Variants in ASAP2 observed in about 807,000 individuals in gnomAD.
ASAP2 encodes the protein arf-GAP with SH3 domain, ANK repeat and PH domain-containing protein 2.
ASAP2 carries 45 observed loss-of-function variants against 131.4 expected under a neutral mutation model. That is an observed-to-expected ratio of 0.34 (90% CI 0.27 to 0.44). ASAP2 has a LOEUF of 0.44. Among genes scored for constraint, ASAP2 ranks in the 20% least tolerant of loss-of-function variants. ASAP2 has a pLI of 1.00. For synonymous variants in ASAP2, 510 were observed against 503.0 expected (o/e 1.01, Z -0.19); for missense variants, 1,011 against 1,297.0 (o/e 0.78, Z 3.39).
intron 1 of ASAP2, chr2:9,271,317 T>G: frequency 1.1e-6 from 1 of 940,274 alleles, no homozygotes; most frequent in Non-Finnish European, 1.7e-6. Flanking sequence ...TGATCGTCCT[T>G]AGCCAGTCCA....
intron 1 of ASAP2, among the ~76,000 whole-genome samples, chr2:9,243,825 T>G (rs997207038): frequency 2.0e-5 from 3 of 152,176 alleles, no homozygotes; most frequent in Non-Finnish European, 4.4e-5. Context: ...GACTCACAGT[T>G]TAGTTGTGAG....
chr2:9,367,511 A>T (rs763972822), intron 15 of ASAP2, among the ~76,000 whole-genome samples: 13 of 152,154 alleles, frequency 8.5e-5, no homozygotes, highest in Non-Finnish European at 1.9e-4. Flanking sequence ...CTGTAATCCC[A>T]GCACTTTGGG....
chr2:9,292,077 C>T lies in ASAP2; in HGVS notation c.200-5223C>T, dbSNP rs575456928. Among the ~76,000 whole-genome samples, 11 of 152,218 alleles carry T rather than the reference C, an allele frequency of 7.2e-5. No individual in the cohort carries two copies. In the South Asian group the frequency reaches 2.3e-3, roughly 32 times the overall value. Reference sequence around the variant, plus strand: ...TGTGTGACCTTGAGCAAGTCATCACCCTCTCTGAGCTTTGGTTTCCATGTT... The same window carrying T: ...TGTGTGACCTTGAGCAAGTCATCACTCTCTCTGAGCTTTGGTTTCCATGTT... On this transcript the variant is annotated intron_variant, in intron 2 of 27. Coordinates refer to ENST00000281419, the MANE Select transcript of ASAP2 (RefSeq NM_003887.3).
At position 9,404,924 on chromosome 2, in the gene ASAP2, T is replaced by C. The variant is rs1161116898; in HGVS notation, c.*1597T>C. On this transcript the variant is annotated 3_prime_UTR_variant, in exon 28 of 28. Transcript: ENST00000281419. Reference sequence around the variant, plus strand: ...GCACTACATCTGTTTTCACTAATTGTTAATTTCTGTTTGAACCCTTCATTT... The same window carrying C: ...GCACTACATCTGTTTTCACTAATTGCTAATTTCTGTTTGAACCCTTCATTT... The C allele has an allele frequency of 6.6e-6, 1 of 152,628 alleles. No individual in the cohort carries two copies. Among genetic ancestry groups the C allele is most frequent in the African/African-American group, 2.4e-5 (1 of 41,462 alleles). 9.5% of individuals were successfully genotyped at this position (152,628 alleles called of 1,614,324 possible).
Position 9,393,493 on chromosome 2 carries a change from C to A in ASAP2, c.2530C>A (p.Pro844Thr), listed in dbSNP as rs149535322. The change falls in exon 24 of 28, where the codon CCC becomes ACC. Residue 844 changes from proline (P) to threonine (T), a missense_variant. Transcript: ENST00000281419. ...CCTGTCCTCCGCAGATCCCCTGACC[C>A]CCACGCCGCCCCCACCCGTTGCCAA... ...LRVTSTNPLT[P>T]TPPPPVAKTP... is the part of the protein sequence containing the mutation. 13 of 1,606,806 alleles carry A rather than the reference C, an allele frequency of 8.1e-6. No individual in the cohort carries two copies. The highest frequency in any genetic ancestry group is 1.1e-5 in the Non-Finnish European group (13 of 1,177,120).
At chr2:9,240,906 G>A (rs1048268258) in intron 1 of ASAP2, among the ~76,000 whole-genome samples, 1 of 152,196 alleles carries the variant, frequency 6.6e-6, no homozygotes, top group Non-Finnish European at 1.5e-5. Context: ...CATAACCTAG[G>A]CAGCTACTAG....
intron 22 of ASAP2, 27 bp downstream of exon 22, chr2:9,388,573 A>AATAT: frequency 6.2e-7 from 1 of 1,603,228 alleles, no homozygotes; most frequent in South Asian, 1.1e-5. Context: ...CATCCCTGTG[A>AATAT]ATATATAGAG....
chr2:9,367,047 T>G (rs1035204057), intron 15 of ASAP2, among the ~76,000 whole-genome samples: 1 of 148,960 alleles, frequency 6.7e-6, no homozygotes, highest in African/African-American at 2.5e-5. Flanking sequence ...TTTTTTTTTG[T>G]AGAGATGGAG....
intron 7 of ASAP2, among the ~76,000 whole-genome samples, chr2:9,330,963 CTT>C (rs1339796019): frequency 6.6e-6 from 1 of 152,200 alleles, no homozygotes; most frequent in Non-Finnish European, 1.5e-5. Context: ...GCAGCTTTGA[CTT>C]TCTCAATTCA....
intron 1 of ASAP2, among the ~76,000 whole-genome samples, chr2:9,278,813 G>A (rs150411312): frequency 3.3e-4 from 50 of 152,296 alleles, no homozygotes; most frequent in African/African-American, 8.9e-4. Flanking sequence ...AATAGGACCC[G>A]TCTTCTAACA....
chr2:9,372,322 C>G (rs1374128319), intron 16 of ASAP2, among the ~76,000 whole-genome samples: 1 of 152,124 alleles, frequency 6.6e-6, no homozygotes, highest in Non-Finnish European at 1.5e-5. Flanking sequence ...GGAGAACCTG[C>G]AGGAATAAAA....
rs754872733 is a variant in ASAP2, at chr2:9,399,932, T to C, written c.2685-91T>C. ...GGAAACCACCTCACACACTCTGAGCTTGAACTCAGAAGGTTCTCTGATAAA... is the reference window on the plus strand; with the variant it reads ...GGAAACCACCTCACACACTCTGAGCCTGAACTCAGAAGGTTCTCTGATAAA... On this transcript the variant is annotated intron_variant, in intron 24 of 27. Coordinates refer to ENST00000281419, the MANE Select transcript of ASAP2 (RefSeq NM_003887.3). 5.1e-6 allele frequency: 7 copies of C among 1,359,728 alleles called. No homozygotes were observed. The Admixed American group carries it at 5.3e-5, about 10-fold the overall frequency. The allele number at this position is 1,359,728 out of a possible 1,614,324, so 84.2% of individuals were successfully genotyped here.
chr2:9,329,495 A>G (rs1307116973), intron 7 of ASAP2, among the ~76,000 whole-genome samples: 1 of 152,196 alleles, frequency 6.6e-6, no homozygotes, highest in Non-Finnish European at 1.5e-5. Context: ...AAGGCAAAAC[A>G]GTGATGGGGA....
At position 9,374,987 on chromosome 2, in the gene ASAP2, C is replaced by T. The variant is rs112564101; in HGVS notation, c.1746+43C>T. 4.8e-3 allele frequency: 6,826 copies of T among 1,414,782 alleles called. 103 individuals carry two copies. Among genetic ancestry groups the T allele is most frequent in the African/African-American group, 0.04 (2,724 of 67,738 alleles). The allele number at this position is 1,414,782 out of a possible 1,614,324, so 87.6% of individuals were successfully genotyped here. The stretch of plus-strand genomic sequence containing the variant: ...TGCTACTTTAAAAAAAAAAAAAAGG[C>T]CGGCCACGGTGGCTCATGCCTGGGA... On this transcript the variant is annotated intron_variant, in intron 17 of 27. Transcript: ENST00000281419.
rs74260089 is a variant in ASAP2 at position 9,240,599 on chromosome 2, C to T, written c.126+33369C>T. Among the ~76,000 whole-genome samples the T allele has an allele frequency of 7.9e-5, 12 of 152,246 alleles. No individual in the cohort carries two copies. In the East Asian group the frequency reaches 1.5e-3, roughly 20 times the overall value. On this transcript the variant is annotated intron_variant, in intron 1 of 27. Transcript: ENST00000281419. ...ATAACTAAGCACTTGCCACGCACCA[C>T]GGCCGTAGCTTTTGCAGTTTGAGAT...
intron 1 of ASAP2, among the ~76,000 whole-genome samples, chr2:9,277,556 A>G (rs1167087706): frequency 6.6e-6 from 1 of 152,222 alleles, no homozygotes; most frequent in Admixed American, 6.5e-5. Context: ...TTATTTAAAT[A>G]AACATTTTTA....
rs936432525 is a variant in ASAP2 at position 9,284,220 on chromosome 2, G to C, written c.199+4831G>C. The stretch of plus-strand genomic sequence containing the variant: ...CTGGTGGTGGAGGAGACGTTATTCT[G>C]TCTACCACACCTCTCCTGAATTCTT... On this transcript the variant is annotated intron_variant, in intron 2 of 27. Transcript: ENST00000281419. 1.3e-5 allele frequency among the ~76,000 whole-genome samples: 2 copies of C among 152,308 alleles called. 1 individual carries two copies. The highest frequency in any genetic ancestry group is 1.3e-4 in the Admixed American group (2 of 15,302).
intron 3 of ASAP2, among the ~76,000 whole-genome samples, chr2:9,299,954 G>A (rs1262851513): frequency 6.6e-6 from 1 of 152,148 alleles, no homozygotes; most frequent in African/African-American, 2.4e-5. Context: ...TATCTGGCCC[G>A]GCACAGTGGC....
intron 1 of ASAP2, among the ~76,000 whole-genome samples, chr2:9,260,479 G>C (rs958815010): frequency 6.6e-6 from 1 of 152,142 alleles, no homozygotes; most frequent in Admixed American, 6.5e-5. Flanking sequence ...CGGGTGGAGC[G>C]GGGCCCATGA....
Sources: allele counts gnomAD v4.1 joint callset (sites outside exome capture counted in the v4.1 genomes callset), GRCh38; gene constraint gnomAD v4.1.1; transcripts MANE v1.5; gene names NCBI Gene and HGNC (gene_info 2026-07-23, HGNC 2026-07-21).